Variants in CASD1 observed in about 807,000 individuals in gnomAD.
CASD1 encodes N-acetylneuraminate (7)9-O-acetyltransferase.
CASD1 carries 41 observed loss-of-function variants against 100.0 expected under a neutral mutation model. The observed-to-expected ratio is 0.41, with a 90% CI of 0.32 to 0.53. CASD1 has a LOEUF of 0.53. Ranked by LOEUF, CASD1 falls within the 20% of genes least tolerant of loss-of-function variation. CASD1 has a pLI of 0.25. For synonymous variants in CASD1, 321 were observed against 315.6 expected, an observed-to-expected ratio of 1.02 and a Z score of -0.18; for missense variants, 774 against 948.7, an observed-to-expected ratio of 0.82 and a Z score of 2.42.
At chr7:94,571,870 CAAAAAA>C in the CASD1 span, among the ~76,000 whole-genome samples, 4 of 142,030 alleles carry the variant, frequency 2.8e-5, no homozygotes, top group South Asian at 2.2e-4. Context: ...ACTAAAACCT[CAAAAAA>C]AAAAAAAATG....
the CASD1 span, among the ~76,000 whole-genome samples, chr7:94,601,847 T>A: frequency 2.0e-5 from 3 of 152,074 alleles, no homozygotes; most frequent in Admixed American, 1.3e-4. Flanking sequence ...TTTTGGGGGG[T>A]GAAATTTAGG....
At chr7:94,553,409 CAATT>C (rs1796042446) in intron 16 of CASD1, among the ~76,000 whole-genome samples, 1 of 152,126 alleles carries the variant, frequency 6.6e-6, no homozygotes, top group African/African-American at 2.4e-5. Context: ...GAGAATCACT[CAATT>C]TAATTATACC....
the CASD1 span, chr7:94,618,970 A>G: frequency 5.1e-6 from 8 of 1,564,388 alleles, no homozygotes; most frequent in East Asian, 1.8e-4. Context: ...ATTTTGGTGA[A>G]AAAGGGCATG....
At position 94,556,788 on chromosome 7, in the gene CASD1, C is replaced by T. The variant is rs1249938848; in HGVS notation, c.*1030C>T. On this transcript the variant is annotated 3_prime_UTR_variant, in exon 18 of 18. Coordinates refer to ENST00000297273, the MANE Select transcript of CASD1 (RefSeq NM_022900.5). ...TTGCTTTTTGTTTGATTTTTTTTTA[C>T]AAGCTAACTGTTAGAGGTATACATT... 1.3e-5 allele frequency: 2 copies of T among 151,736 alleles called. No homozygotes were observed. The highest frequency in any genetic ancestry group is 6.6e-5 in the Admixed American group (1 of 15,220). The allele number at this position is 151,736 out of a possible 1,614,324, so 9.4% of individuals were successfully genotyped here.
At position 94,533,687 on chromosome 7, in the gene CASD1, C is replaced by T; in HGVS notation, c.513C>T (p.Ile171=). The T allele has an allele frequency of 6.3e-7, 1 of 1,595,508 alleles. No homozygotes were observed. Among genetic ancestry groups the T allele is most frequent in the Non-Finnish European group, 8.5e-7 (1 of 1,171,606 alleles). Residue 171 remains isoleucine, a synonymous_variant, in exon 7 of 18, where the codon ATC becomes ATT. Transcript: ENST00000297273. ...TTTGTACTTCTTTTTAGTGGTCCAT[C>T]AAGATTCACAATGGTAGCAGTGAAG... The part of the protein sequence containing the change: ...VIVAGAATWS[I]KIHNGSSEAL...
chr7:94,606,741 G>A, the CASD1 span, among the ~76,000 whole-genome samples: 1 of 152,092 alleles, frequency 6.6e-6, no homozygotes, highest in Admixed American at 6.5e-5. Context: ...AAATTTAAAG[G>A]AATGGAAATC....
At chr7:94,631,915 C>T in the CASD1 span, among the ~76,000 whole-genome samples, 7 of 151,912 alleles carry the variant, frequency 4.6e-5, no homozygotes, top group South Asian at 2.1e-4. Flanking sequence ...ATTAAAAATA[C>T]CTTGAAGTAC....
chr7:94,592,517 C>T, the CASD1 span, among the ~76,000 whole-genome samples: 1 of 152,112 alleles, frequency 6.6e-6, no homozygotes, highest in African/African-American at 2.4e-5. Context: ...TTTAAGAAAA[C>T]TGTAACTAAA....
chr7:94,537,901 G>C lies in CASD1; in HGVS notation c.1266+7G>C, dbSNP rs1421003813. 7.2e-7 allele frequency: 1 copy of C among 1,393,784 alleles called. No individual in the cohort carries two copies. The highest frequency in any genetic ancestry group is 1.4e-5 in the African/African-American group (1 of 69,480). 86.3% of individuals were successfully genotyped at this position (1,393,784 alleles called of 1,614,324 possible). Reference sequence around the variant, plus strand: ...TAATGAAAATACTAAAGAGGTAAGAGTCATTTTCTTTTTAACTCATGTTAC... The same window carrying C: ...TAATGAAAATACTAAAGAGGTAAGACTCATTTTCTTTTTAACTCATGTTAC... On this transcript the variant is annotated splice_region_variant and intron_variant, in intron 9 of 17. Transcript: ENST00000297273.
In CASD1 at chr7:94,509,902, G is replaced by A; in HGVS notation, c.-183G>A. 2.7e-6 allele frequency: 3 copies of A among 1,095,746 alleles called. No individual in the cohort carries two copies. Among genetic ancestry groups the A allele is most frequent in the Non-Finnish European group, 3.3e-6 (3 of 899,514 alleles). The allele number at this position is 1,095,746 out of a possible 1,614,324, so 67.9% of individuals were successfully genotyped here. On this transcript the variant is annotated 5_prime_UTR_variant, in exon 1 of 18. Coordinates refer to ENST00000297273, the MANE Select transcript of CASD1 (RefSeq NM_022900.5). ...CGCCGAGTCGGCCGCGGCCGAGGAGGGGCAGGCGGAGGTCGGGGGCGCCGC... is the reference window on the plus strand; with the variant it reads ...CGCCGAGTCGGCCGCGGCCGAGGAGAGGCAGGCGGAGGTCGGGGGCGCCGC...
At chr7:94,627,293 G>A in the CASD1 span, 1 of 151,990 alleles carries the variant, frequency 6.6e-6, no homozygotes, top group Admixed American at 6.6e-5. Context: ...TTTTTTTAAA[G>A]TATTGTATTA....
the CASD1 span, among the ~76,000 whole-genome samples, chr7:94,576,926 A>G: frequency 1.3e-5 from 2 of 152,168 alleles, no homozygotes; most frequent in African/African-American, 2.4e-5. Context: ...AAAATTCCCA[A>G]TACAGCCCAT....
chr7:94,608,026 C>T, the CASD1 span, among the ~76,000 whole-genome samples: 1 of 152,044 alleles, frequency 6.6e-6, no homozygotes, highest in Admixed American at 6.6e-5. Context: ...TCCTATATAC[C>T]AGCATGAACA....
downstream of CASD1, among the ~76,000 whole-genome samples, chr7:94,559,324 GTATATATATA>G (rs35592417): frequency 7.8e-6 from 1 of 128,198 alleles, no homozygotes; most frequent in Non-Finnish European, 1.7e-5. Flanking sequence ...GTGTGTGTGT[GTATATATATA>G]TGTATATATA....
At chr7:94,554,424 A>G in intron 16 of CASD1, 59 bp from the exon 17 acceptor site, 1 of 1,121,542 alleles carries the variant, frequency 8.9e-7, no homozygotes, top group Non-Finnish European at 1.3e-6. Context: ...AGAAAGCTTT[A>G]TACAAAATAC....
intron 3 of CASD1, among the ~76,000 whole-genome samples, chr7:94,525,490 G>A (rs766620926): frequency 3.3e-5 from 5 of 152,080 alleles, no homozygotes. Flanking sequence ...ACTGTGCTTT[G>A]TGATTTTCAT....
chr7:94,600,582 G>A, the CASD1 span: 1 of 1,246,252 alleles, frequency 8.0e-7, no homozygotes, highest in Non-Finnish European at 1.2e-6. Context: ...TGCTTTTAAT[G>A]GAATCTTCTA....
At chr7:94,627,887 C>A in the CASD1 span, 1 of 278,702 alleles carries the variant, frequency 3.6e-6, no homozygotes, top group Non-Finnish European at 6.9e-6. Context: ...ATTCAAAATA[C>A]AGAGCAAATA....
the CASD1 span, among the ~76,000 whole-genome samples, chr7:94,568,122 CAT>C: frequency 1.3e-5 from 2 of 152,090 alleles, no homozygotes; most frequent in Non-Finnish European, 2.9e-5. Flanking sequence ...TATTTTATAA[CAT>C]TGTATGAAAT....
Sources: allele counts gnomAD v4.1 joint callset (sites outside exome capture counted in the v4.1 genomes callset), GRCh38; gene constraint gnomAD v4.1.1; transcripts MANE v1.5; gene names NCBI Gene and HGNC (gene_info 2026-07-23, HGNC 2026-07-21).